The following GAS7 variants were observed in gnomAD, a reference collection of about 807,000 sequenced individuals.
GAS7 encodes growth arrest-specific protein 7.
A neutral mutation model predicts 71.1 loss-of-function variants in GAS7; 28 were observed. The observed-to-expected ratio is 0.39, with a 90% CI of 0.29 to 0.54. GAS7 has a LOEUF of 0.54. Among genes scored for constraint, GAS7 ranks in the 20% least tolerant of loss-of-function variants. The pLI is 0.62. For synonymous variants in GAS7, 258 were observed against 245.8 expected, an observed-to-expected ratio of 1.05 and a Z score of -0.46; for missense variants, 436 against 627.8, an observed-to-expected ratio of 0.69 and a Z score of 3.27.
At chr17:9,937,834 A>G (rs1341622001) in intron 8 of GAS7, among the ~76,000 whole-genome samples, 1 of 152,172 alleles carries the variant, frequency 6.6e-6, no homozygotes, top group Non-Finnish European at 1.5e-5. Flanking sequence ...ACAGACCAGC[A>G]CCAGAGGGAG....
chr17:9,995,128 GGAA>G (rs2070989029), intron 2 of GAS7, among the ~76,000 whole-genome samples: 1 of 152,192 alleles, frequency 6.6e-6, no homozygotes, highest in Admixed American at 6.5e-5. Context: ...CAGGCTGGCT[GGAA>G]GAAGAATCTC....
chr17:10,171,580 C>T (rs531383138), intron 1 of GAS7, among the ~76,000 whole-genome samples: 22 of 152,268 alleles, frequency 1.4e-4, no homozygotes, highest in African/African-American at 4.8e-4. Flanking sequence ...GAAGAAATCT[C>T]GAAAATGAAC....
intron 1 of GAS7, among the ~76,000 whole-genome samples, chr17:10,138,187 G>A (rs932235392): frequency 1.3e-5 from 2 of 149,424 alleles, no homozygotes; most frequent in African/African-American, 2.5e-5. Context: ...GGATGGTCTC[G>A]ATCTCCTAAA....
intron 1 of GAS7, among the ~76,000 whole-genome samples, chr17:10,149,166 G>A (rs1056485850): frequency 1.2e-4 from 19 of 152,164 alleles, no homozygotes; most frequent in Admixed American, 3.3e-4. Flanking sequence ...GCAGTGGTGC[G>A]ATCTTGGCTC....
chr17:10,122,891 C>T (rs1166820099), intron 1 of GAS7, among the ~76,000 whole-genome samples: 1 of 152,068 alleles, frequency 6.6e-6, no homozygotes. Flanking sequence ...AGTGCAGTGG[C>T]GTGATCATGG....
At chr17:10,073,348 C>T (rs2073360293) in intron 1 of GAS7, among the ~76,000 whole-genome samples, 1 of 152,202 alleles carries the variant, frequency 6.6e-6, no homozygotes, top group African/African-American at 2.4e-5. Flanking sequence ...TCAAGGGGCA[C>T]TCCTCCCCAG....
chr17:10,154,264 C>T (rs984214640), intron 1 of GAS7, among the ~76,000 whole-genome samples: 20 of 151,750 alleles, frequency 1.3e-4, no homozygotes, highest in Middle Eastern at 6.8e-3. Context: ...TTTGGGAGGC[C>T]GAGGCAGGAG....
chr17:10,165,816 C>T (rs564342463), intron 1 of GAS7, among the ~76,000 whole-genome samples: 1 of 152,154 alleles, frequency 6.6e-6, no homozygotes, highest in South Asian at 2.1e-4. Context: ...GATCTGGAAA[C>T]GGGACACTTG....
intron 1 of GAS7, among the ~76,000 whole-genome samples, chr17:10,173,180 G>A (rs556657056): frequency 3.9e-5 from 6 of 152,272 alleles, no homozygotes; most frequent in South Asian, 2.1e-4. Context: ...GGGGGCGGGC[G>A]AAGGGAGGAG....
rs2067543486 is a variant in GAS7, at chr17:9,914,963, T to C, written c.*2265A>G. On this transcript the variant is annotated 3_prime_UTR_variant, in exon 14 of 14. Coordinates refer to ENST00000432992, the MANE Select transcript of GAS7 (RefSeq NM_201433.2). ...CCCCTGAAAACGAGCGATCACGGGC[T>C]TCCCTGACGACAGGGCCATTATAGT... 1 of 232,388 alleles carries C rather than the reference T, an allele frequency of 4.3e-6. No homozygotes were observed. Among genetic ancestry groups the C allele is most frequent in the African/African-American group, 2.2e-5 (1 of 45,274 alleles). 14.4% of individuals were successfully genotyped at this position (232,388 alleles called of 1,614,324 possible).
intron 2 of GAS7, among the ~76,000 whole-genome samples, chr17:10,004,390 G>C (rs534969802): frequency 6.6e-5 from 10 of 152,076 alleles, no homozygotes; most frequent in African/African-American, 1.9e-4. Flanking sequence ...TCACTGACTC[G>C]CTGGGACCTA....
At chr17:10,128,841 G>C (rs187895651) in intron 1 of GAS7, among the ~76,000 whole-genome samples, 1 of 128,806 alleles carries the variant, frequency 7.8e-6, no homozygotes, top group Non-Finnish European at 1.8e-5. Flanking sequence ...GGATGGTCTC[G>C]ATCTCCTGAC....
At chr17:10,115,475 G>T (rs2073852668) in intron 1 of GAS7, among the ~76,000 whole-genome samples, 2 of 152,222 alleles carry the variant, frequency 1.3e-5, no homozygotes, top group South Asian at 2.1e-4. Flanking sequence ...ACAGCAGAAA[G>T]AAGTGTTCCT....
chr17:9,934,743 T>C (rs933391376), intron 8 of GAS7, among the ~76,000 whole-genome samples: 2 of 152,178 alleles, frequency 1.3e-5, no homozygotes, highest in African/African-American at 4.8e-5. Flanking sequence ...ATTTGTTTAT[T>C]AGTTTGTTCC....
intron 1 of GAS7, among the ~76,000 whole-genome samples, chr17:10,182,918 A>C (rs1398518672): frequency 4.6e-5 from 7 of 152,114 alleles, no homozygotes; most frequent in Non-Finnish European, 1.0e-4. Flanking sequence ...TCTCCCAATA[A>C]ATAGCCTTTT....
intron 1 of GAS7, among the ~76,000 whole-genome samples, chr17:10,194,714 C>T (rs1239224014): frequency 1.3e-5 from 2 of 152,150 alleles, no homozygotes; most frequent in African/African-American, 4.8e-5. Context: ...TGGCTCACGC[C>T]TGTAATCCCA....
At chr17:10,181,191 C>T (rs1317783114) in intron 1 of GAS7, among the ~76,000 whole-genome samples, 2 of 148,070 alleles carry the variant, frequency 1.4e-5, no homozygotes, top group Non-Finnish European at 3.0e-5. Flanking sequence ...GAAACCCTGT[C>T]TCTACTACAG....
chr17:9,937,552 C>T (rs754626484), intron 8 of GAS7, among the ~76,000 whole-genome samples: 1 of 152,214 alleles, frequency 6.6e-6, no homozygotes, highest in Non-Finnish European at 1.5e-5. Context: ...GTGGAAGGGA[C>T]GCTGGTCTTG....
chr17:10,072,365 G>T (rs548319218), intron 1 of GAS7, among the ~76,000 whole-genome samples: 39 of 152,262 alleles, frequency 2.6e-4, no homozygotes, highest in African/African-American at 9.1e-4. Flanking sequence ...CTTTAACTTA[G>T]TCCACTCCAC....
Sources: allele counts gnomAD v4.1 joint callset (sites outside exome capture counted in the v4.1 genomes callset), GRCh38; gene constraint gnomAD v4.1.1; transcripts MANE v1.5; gene names NCBI Gene and HGNC (gene_info 2026-07-23, HGNC 2026-07-21).